Variants in PXDNL observed in about 807,000 individuals in gnomAD.
The protein encoded by PXDNL is probable oxidoreductase PXDNL.
PXDNL carries 145 observed loss-of-function variants against 150.8 expected under a neutral mutation model. The observed-to-expected ratio is 0.96, with a 90% CI of 0.84 to 1.10. The LOEUF (loss-of-function observed/expected upper bound fraction) is 1.10, where lower values mean the gene tolerates loss of function less well. Ranked by LOEUF, PXDNL falls within the 50% of genes least tolerant of loss-of-function variation. The probability of loss-of-function intolerance (pLI) is 0.00; values close to 1 mark genes in which losing one functional copy is unlikely to be tolerated. For synonymous variants in PXDNL, 757 were observed against 725.7 expected (o/e 1.04, Z -0.69); for missense variants, 2,087 against 1,873.9 (o/e 1.11, Z -2.10).
chr8:51,538,028 T>C (rs563550666), intron 4 of PXDNL, among the ~76,000 whole-genome samples: 1 of 152,354 alleles, frequency 6.6e-6, no homozygotes, highest in South Asian at 2.1e-4. Context: ...TCAAACTTGT[T>C]ACAAAGAATT....
chr8:51,737,398 C>A (rs748178540), intron 1 of PXDNL, among the ~76,000 whole-genome samples: 1 of 152,204 alleles, frequency 6.6e-6, no homozygotes, highest in Non-Finnish European at 1.5e-5. Context: ...TGGGCAATGA[C>A]CAAGACTACC....
At chr8:51,498,689 T>C (rs1190908745) in intron 5 of PXDNL, among the ~76,000 whole-genome samples, 1 of 152,116 alleles carries the variant, frequency 6.6e-6, no homozygotes, top group Admixed American at 6.5e-5. Context: ...AAACCAAGAA[T>C]ACAAAACATT....
intron 2 of PXDNL, among the ~76,000 whole-genome samples, chr8:51,624,476 T>C (rs1814325200): frequency 6.6e-6 from 1 of 152,208 alleles, no homozygotes; most frequent in Non-Finnish European, 1.5e-5. Flanking sequence ...AGTCATTTTA[T>C]GTTGTACTGT....
At chr8:51,725,334 A>T (rs1484757071) in intron 1 of PXDNL, among the ~76,000 whole-genome samples, 4 of 152,238 alleles carry the variant, frequency 2.6e-5, no homozygotes, top group Non-Finnish European at 5.9e-5. Flanking sequence ...CCCATTGGCA[A>T]GAAATAAGAG....
chr8:51,441,665 T>C (rs1354601060), intron 12 of PXDNL, among the ~76,000 whole-genome samples: 1 of 148,242 alleles, frequency 6.7e-6, no homozygotes, highest in South Asian at 2.1e-4. Context: ...GGTACACAGA[T>C]AGATCACTGT....
chr8:51,641,209 A>G (rs1276447719), intron 2 of PXDNL, among the ~76,000 whole-genome samples: 6 of 136,768 alleles, frequency 4.4e-5, no homozygotes, highest in Non-Finnish European at 7.8e-5. Context: ...TTAATTCAAG[A>G]TGGATTAAAG....
chr8:51,358,843 T>TG (rs948082350), intron 19 of PXDNL, among the ~76,000 whole-genome samples: 4 of 152,100 alleles, frequency 2.6e-5, no homozygotes, highest in African/African-American at 7.2e-5. Flanking sequence ...AGGGGAACCC[T>TG]GGGGAAAAAT....
intron 12 of PXDNL, among the ~76,000 whole-genome samples, chr8:51,437,523 G>A (rs1313699416): frequency 6.6e-6 from 1 of 152,164 alleles, no homozygotes; most frequent in African/African-American, 2.4e-5. Flanking sequence ...GGGATGCACA[G>A]ATGGTTTAAC....
chr8:51,324,207 A>G (rs925961685), intron 21 of PXDNL, among the ~76,000 whole-genome samples: 2 of 152,156 alleles, frequency 1.3e-5, no homozygotes, highest in Non-Finnish European at 2.9e-5. Context: ...GAGATTTTCT[A>G]TGTAGGCAGC....
intron 4 of PXDNL, among the ~76,000 whole-genome samples, chr8:51,545,954 C>T (rs541627229): frequency 1.3e-5 from 2 of 152,278 alleles, no homozygotes; most frequent in Admixed American, 6.5e-5. Flanking sequence ...AGTCTAAAGT[C>T]TCATTTAAAT....
intron 19 of PXDNL, among the ~76,000 whole-genome samples, chr8:51,368,225 AC>A (rs1361450022): frequency 1.3e-5 from 2 of 152,210 alleles, no homozygotes; most frequent in Non-Finnish European, 2.9e-5. Flanking sequence ...AGTCCTTAAC[AC>A]CCCAACTTTT....
intron 10 of PXDNL, among the ~76,000 whole-genome samples, 151 bp from the exon 11 acceptor site, chr8:51,449,269 T>TC (rs1430584267): frequency 6.6e-6 from 1 of 152,226 alleles, no homozygotes; most frequent in African/African-American, 2.4e-5. Context: ...TGGAGGTGCT[T>TC]CTGTATGTTT....
intron 21 of PXDNL, among the ~76,000 whole-genome samples, chr8:51,325,459 G>A (rs1301289269): frequency 6.6e-6 from 1 of 152,194 alleles, no homozygotes; most frequent in East Asian, 1.9e-4. Flanking sequence ...TTACTGCTGG[G>A]TAGAGTTGGG....
At chr8:51,740,959 T>C (rs1563305921) in intron 1 of PXDNL, among the ~76,000 whole-genome samples, 1 of 152,188 alleles carries the variant, frequency 6.6e-6, no homozygotes, top group Non-Finnish European at 1.5e-5. Flanking sequence ...TGGTATCAGG[T>C]TGATGCTAGC....
chr8:51,677,950 T>C (rs1815660688), intron 1 of PXDNL, among the ~76,000 whole-genome samples: 1 of 152,190 alleles, frequency 6.6e-6, no homozygotes, highest in Non-Finnish European at 1.5e-5. Context: ...AAGGCTATGA[T>C]GAGTTCCTGG....
rs540777841 is a variant in PXDNL, at chr8:51,496,952, A to C, written c.452+2747T>G. Among the ~76,000 whole-genome samples the C allele has an allele frequency of 4.6e-5, 7 of 152,288 alleles. No homozygotes were observed. The South Asian group carries it at 1.5e-3, about 32-fold the overall frequency. ...AAAACTACTTTAAAGTTCATATAGA[A>C]CCAAAAAAGAGCCCGGATTGCCAAG... On this transcript the variant is annotated intron_variant, in intron 5 of 22. Transcript: ENST00000356297.
intron 3 of PXDNL, among the ~76,000 whole-genome samples, chr8:51,578,223 C>T (rs1286039748): frequency 6.6e-6 from 1 of 151,696 alleles, no homozygotes; most frequent in Non-Finnish European, 1.5e-5. Context: ...GTATGTAAAA[C>T]ATTTCAAAGA....
intron 17 of PXDNL, among the ~76,000 whole-genome samples, chr8:51,405,314 G>C (rs540077800): frequency 6.6e-6 from 1 of 152,320 alleles, no homozygotes; most frequent in East Asian, 1.9e-4. Flanking sequence ...GGATTGCTGC[G>C]AGGGCTGCCA....
chr8:51,633,258 C>T (rs182633576), intron 2 of PXDNL, among the ~76,000 whole-genome samples: 228 of 152,274 alleles, frequency 1.5e-3, no homozygotes, highest in Middle Eastern at 3.4e-3. Context: ...GCATAGTAGT[C>T]CATGGTGTAT....
Sources: gnomAD v4.1 joint callset for allele counts (sites outside exome capture counted in the v4.1 genomes callset) on GRCh38, gnomAD v4.1.1 for gene constraint, MANE v1.5 for transcripts, NCBI Gene and HGNC (gene_info 2026-07-23, HGNC 2026-07-21) for gene names.